ZDHHC8: variants seen among roughly 807,000 people sequenced by gnomAD.
The protein encoded by ZDHHC8 is zDHHC palmitoyltransferase 8.
Under a neutral mutation model 61.2 loss-of-function variants are expected in ZDHHC8, and 24 were observed. That is an observed-to-expected ratio of 0.39 (90% CI 0.28 to 0.55). The LOEUF (loss-of-function observed/expected upper bound fraction) is 0.55, where lower values mean the gene tolerates loss of function less well. ZDHHC8 is among the 20% of genes least tolerant of loss of function. The pLI, the probability that ZDHHC8 is intolerant of heterozygous loss-of-function variation, is 0.60. For missense variants in ZDHHC8, 935 were observed against 1,102.1 expected (o/e 0.85, Z 2.15); for synonymous variants, 523 against 492.5 (o/e 1.06, Z -0.82).
rs1402542353 is a variant in ZDHHC8 at position 20,139,893 on chromosome 22, G to A, written c.557+1G>A. 5 of 1,501,422 alleles carry A rather than the reference G, an allele frequency of 3.3e-6. No individual in the cohort carries two copies. Among genetic ancestry groups the A allele is most frequent in the Non-Finnish European group, 3.6e-6 (4 of 1,112,484 alleles). 93.0% of individuals were successfully genotyped at this position (1,501,422 alleles called of 1,614,324 possible). A position where few individuals can be genotyped will look rare whatever the true frequency, so the allele number is the denominator to read the frequency against. On this transcript the variant is annotated splice_donor_variant, in intron 4 of 10. Transcript: ENST00000334554. LOFTEE classifies it high-confidence loss of function. Reference sequence around the variant, plus strand: ...TGGGAGCCGCGCACACCACCATCACGTATCCTTGGTTCCTGTGGGCCTCAT... The same window carrying A: ...TGGGAGCCGCGCACACCACCATCACATATCCTTGGTTCCTGTGGGCCTCAT...
At position 20,131,970 on chromosome 22, in the gene ZDHHC8, G is replaced by C; in HGVS notation, c.23G>C (p.Arg8Pro). 1 of 1,315,730 alleles carries C rather than the reference G, an allele frequency of 7.6e-7. No homozygotes were observed. Among genetic ancestry groups the C allele is most frequent in the Non-Finnish European group, 9.9e-7 (1 of 1,014,130 alleles). 81.5% of individuals were successfully genotyped at this position (1,315,730 alleles called of 1,614,324 possible). The change falls in exon 1 of 11, where the codon CGC (arginine) becomes CCC (proline). Residue 8 changes from arginine to proline, a missense_variant. Arg to Pro is a moderately radical substitution (Grantham distance 103, BLOSUM62 -2). Transcript: ENST00000334554. MPRSPGT[R>P]LKPAKYIPVA... ...AGGATGCCCCGCAGCCCCGGGACGC[G>C]CCTCAAACCCGCCAAGTACATCCCG...
In ZDHHC8 at chr22:20,141,504, G is replaced by C; in HGVS notation, c.1099G>C (p.Val367Leu). The change falls in exon 9 of 11, where the codon GTG becomes CTG. Residue 367 changes from valine (V) to leucine (L), a missense_variant. Around this residue, in one of 3 missense-constraint regions of ZDHHC8, gnomAD observed 692 missense variants for 731.4 expected, o/e 0.95. Transcript: ENST00000334554. ...GCCGGCTTTCCCCACGGGTCCCAAG[G>C]TGCCCTTCTGTGGACCAGGCGAGCA... ...FRPAFPTGPK[V>L]PFCGPGEQVP... 1.9e-6 allele frequency: 3 copies of C among 1,612,772 alleles called. No homozygotes were observed. Among genetic ancestry groups the C allele is most frequent in the African/African-American group, 1.3e-5 (1 of 75,028 alleles).
chr22:20,144,534 GAGCCCAGCCC>G (rs755966104), intron 10 of ZDHHC8, among the ~76,000 whole-genome samples: 1 of 152,240 alleles, frequency 6.6e-6, no homozygotes. Flanking sequence ...CCCAGAGGGA[GAGCCCAGCCC>G]AGCCCAGCCC....
chr22:20,143,228 C>A lies in ZDHHC8; in HGVS notation c.1598C>A (p.Pro533His). ...TTCAGCCCCGTGCTGGGCCCCCGCC[C>A]CCGGGAGCCCTCGCCTGTGCGCTAC... ...RSFSPVLGPRPREPSPVRYDN... is the reference protein window; with the variant it reads ...RSFSPVLGPRHREPSPVRYDN... The change falls in exon 10 of 11, where the codon CCC (proline) becomes CAC (histidine). Residue 533 changes from proline (P) to histidine (H), a missense_variant. Coordinates refer to ENST00000334554, the MANE Select transcript of ZDHHC8 (RefSeq NM_013373.4). 1 of 1,607,300 alleles carries A rather than the reference C, an allele frequency of 6.2e-7. No individual in the cohort carries two copies.
Position 20,145,504 on chromosome 22 carries a change from C to T in ZDHHC8, c.*104C>T. The T allele has an allele frequency of 7.3e-7, 1 of 1,361,288 alleles. No homozygotes were observed. Among genetic ancestry groups the T allele is most frequent in the Non-Finnish European group, 9.4e-7 (1 of 1,059,008 alleles). 84.3% of individuals were successfully genotyped at this position (1,361,288 alleles called of 1,614,324 possible). A position where few individuals can be genotyped will look rare whatever the true frequency, so the allele number is the denominator to read the frequency against. ...CTGCCCCAGGGACCCGAGGCCACCCCAGCCTGGTGTGGACCCATCGGCGGG... is the reference window on the plus strand; with the variant it reads ...CTGCCCCAGGGACCCGAGGCCACCCTAGCCTGGTGTGGACCCATCGGCGGG... On this transcript the variant is annotated 3_prime_UTR_variant, in exon 11 of 11. Coordinates refer to ENST00000334554, the MANE Select transcript of ZDHHC8 (RefSeq NM_013373.4).
Position 20,143,409 on chromosome 22 carries a change from G to C in ZDHHC8, c.1779G>C (p.Leu593=), listed in dbSNP as rs1438310720. Residue 593 remains leucine (L), a synonymous_variant, in exon 10 of 11, where the codon CTG becomes CTC. Transcript: ENST00000334554. ...ACAGCCTGCAGCAGGCCAGTGTGCT[G>C]TCCGAGGGCCCCCGAGGTCCCGCGC... ...SSYSLQQASV[L]SEGPRGPALR... 2 of 1,591,540 alleles carry C rather than the reference G, an allele frequency of 1.3e-6. No homozygotes were observed. The highest frequency in any genetic ancestry group is 4.5e-5 in the East Asian group (2 of 44,158).
chr22:20,141,583 T>C (rs77480122), intron 9 of ZDHHC8, 53 bp downstream of exon 9: 83,286 of 1,476,406 alleles, frequency 0.056, 2,543 homozygotes, highest in South Asian at 0.099. Context: ...GGCCCGCCTC[T>C]AGGAGCTCGC....
chr22:20,139,178 CCACT>C lies in ZDHHC8; in HGVS notation c.105-15_105-12del. ...CACCCCCAGACTCCACTCTCTGCCC[CCACT>C]GTCTACTGCAGGTGCCCGTGGTTGA... On this transcript the variant is annotated splice_polypyrimidine_tract_variant and intron_variant, in intron 1 of 10. Coordinates refer to ENST00000334554, the MANE Select transcript of ZDHHC8 (RefSeq NM_013373.4). The C allele has an allele frequency of 6.2e-7, 1 of 1,610,774 alleles. No homozygotes were observed. The highest frequency in any genetic ancestry group is 8.5e-7 in the Non-Finnish European group (1 of 1,178,460).
intron 7 of ZDHHC8, 54 bp downstream of exon 7, chr22:20,141,066 C>T: frequency 6.2e-7 from 1 of 1,604,546 alleles, no homozygotes; most frequent in Admixed American, 1.7e-5. Flanking sequence ...GATGGGGAAA[C>T]AGGCAGGTTG....
Position 20,140,696 on chromosome 22 carries a change from C to A in ZDHHC8, c.740C>A (p.Pro247His), listed in dbSNP as rs143088319. The A allele has an allele frequency of 6.2e-7, 1 of 1,611,070 alleles. No individual in the cohort carries two copies. The highest frequency in any genetic ancestry group is 1.3e-5 in the African/African-American group (1 of 74,940). The change falls in exon 6 of 11, where the codon CCC (proline) becomes CAC (histidine). Residue 247 changes from proline (P) to histidine (H), a missense_variant. Around this residue, in one of 3 missense-constraint regions of ZDHHC8, gnomAD observed 199 missense variants for 334.0 expected, o/e 0.60. Transcript: ENST00000334554. ...CGNVEHVLCS[P>H]LAPRYVVEPP... ...AATGTGGAGCACGTGCTGTGTAGCC[C>A]CCTGGCGCCCCGGTGAGGCCCGGCC...
chr22:20,143,275 A>T lies in ZDHHC8; in HGVS notation c.1645A>T (p.Met549Leu). 4.4e-6 allele frequency: 7 copies of T among 1,606,134 alleles called. No individual in the cohort carries two copies. Among genetic ancestry groups the T allele is most frequent in the Non-Finnish European group, 5.9e-6 (7 of 1,179,328 alleles). Residue 549 changes from methionine to leucine, a missense_variant, in exon 10 of 11, where the codon ATG becomes TTG. By Grantham distance (15) the Met-to-Leu change is conservative. Around this residue, in one of 3 missense-constraint regions of ZDHHC8, gnomAD observed 692 missense variants for 731.4 expected, o/e 0.95. Transcript: ENST00000334554. ...CTACGACAACCTGTCCAGGACCATC[A>T]TGGCATCCATCCAGGAGCGCAAGGA... ...VRYDNLSRTI[M>L]ASIQERKDRE...
rs1311695852 is a variant in ZDHHC8, at chr22:20,146,074, C to T, written c.*674C>T. 2 of 985,846 alleles carry T rather than the reference C, an allele frequency of 2.0e-6. No individual in the cohort carries two copies. Among genetic ancestry groups the T allele is most frequent in the East Asian group, 1.1e-4 (1 of 8,818 alleles). 61.1% of individuals were successfully genotyped at this position (985,846 alleles called of 1,614,324 possible). Reference sequence around the variant, plus strand: ...CCGCGCCGTGTCTGATGTGTCAGTGCTCCGGCCGCCGCTGTCCCTTTCATC... The same window carrying T: ...CCGCGCCGTGTCTGATGTGTCAGTGTTCCGGCCGCCGCTGTCCCTTTCATC... On this transcript the variant is annotated 3_prime_UTR_variant, in exon 11 of 11. Coordinates refer to ENST00000334554, the MANE Select transcript of ZDHHC8 (RefSeq NM_013373.4).
Position 20,146,878 on chromosome 22 carries a change from A to C in ZDHHC8, c.*1478A>C, listed in dbSNP as rs1045674975. 7.8e-7 allele frequency: 1 copy of C among 1,279,900 alleles called. No individual in the cohort carries two copies. The highest frequency in any genetic ancestry group is 1.6e-5 in the African/African-American group (1 of 64,354). 79.3% of individuals were successfully genotyped at this position (1,279,900 alleles called of 1,614,324 possible). ...CTGCCACATGCCAGGGGCAGGGCTG[A>C]GGGAGTGTGAGGGATGCACAGCTGT... On this transcript the variant is annotated 3_prime_UTR_variant, in exon 11 of 11. Transcript: ENST00000334554.
At position 20,139,726 on chromosome 22, in the gene ZDHHC8, G is replaced by T; in HGVS notation, c.391G>T (p.Asp131Tyr). The change falls in exon 4 of 11, where the codon GAC becomes TAC. Residue 131 changes from aspartate (D) to tyrosine (Y), a missense_variant. Asp to Tyr is a radical substitution (Grantham distance 160). Around this residue, in one of 3 missense-constraint regions of ZDHHC8, gnomAD observed 199 missense variants for 334.0 expected, o/e 0.60. Coordinates refer to ENST00000334554, the MANE Select transcript of ZDHHC8 (RefSeq NM_013373.4). ...SVCDNCVEDF[D>Y]HHCPWVNNCI... ...ATGCACTGCTCCCGCCCAGGACTTT[G>T]ACCACCACTGCCCCTGGGTCAACAA... 1 of 1,612,366 alleles carries T rather than the reference G, an allele frequency of 6.2e-7. No individual in the cohort carries two copies. The highest frequency in any genetic ancestry group is 1.1e-5 in the South Asian group (1 of 91,060).
Position 20,142,910 on chromosome 22 carries a change from C to T in ZDHHC8, c.1280C>T (p.Ser427Leu), listed in dbSNP as rs768945198. The part of the protein sequence containing the change: ...SPPLSASDAF[S>L]GALRSLSLKA... Reference sequence around the variant, plus strand: ...CCGCTCAGCGCCTCTGATGCCTTCTCGGGCGCTTTGCGCTCCCTGAGCCTC... The same window carrying T: ...CCGCTCAGCGCCTCTGATGCCTTCTTGGGCGCTTTGCGCTCCCTGAGCCTC... Residue 427 changes from serine to leucine, a missense_variant, in exon 10 of 11, where the codon TCG (serine) becomes TTG (leucine). Ser to Leu is a moderately radical substitution (Grantham distance 145). This residue lies in a region of ZDHHC8 where 692 missense variants were observed against 731.4 expected (regional missense o/e 0.95). Transcript: ENST00000334554. The T allele has an allele frequency of 7.5e-6, 12 of 1,609,332 alleles. No homozygotes were observed. The highest frequency in any genetic ancestry group is 4.0e-5 in the African/African-American group (3 of 74,872).
At chr22:20,139,358 G>C in intron 2 of ZDHHC8, 43 bp downstream of exon 2, 1 of 1,607,984 alleles carries the variant, frequency 6.2e-7, no homozygotes, top group Non-Finnish European at 8.5e-7. Flanking sequence ...TTTCACTAGA[G>C]TGTGAGTGGC....
intron 10 of ZDHHC8, among the ~76,000 whole-genome samples, chr22:20,144,734 G>A (rs1485265862): frequency 6.6e-6 from 1 of 152,246 alleles, no homozygotes. Flanking sequence ...GGCAGGGATC[G>A]CAGCCCGGGG....
In ZDHHC8 at chr22:20,143,530, T is replaced by C. The variant is rs766239816; in HGVS notation, c.1900T>C (p.Ser634Pro). The C allele has an allele frequency of 2.5e-6, 4 of 1,599,248 alleles. No homozygotes were observed. The highest frequency in any genetic ancestry group is 3.4e-6 in the Non-Finnish European group (4 of 1,177,492). ...GACGTCACTGTCCTCGCTGTCCAGC[T>C]CCGTGAGCCGTGCACCGCGGACGTC... ...LQTSLSSLSS[S>P]VSRAPRTSSS... The change falls in exon 10 of 11, where the codon TCC becomes CCC. Residue 634 changes from serine (S) to proline (P), a missense_variant. This residue lies in a region of ZDHHC8 where 692 missense variants were observed against 731.4 expected (regional missense o/e 0.95). Coordinates refer to ENST00000334554, the MANE Select transcript of ZDHHC8 (RefSeq NM_013373.4).
At chr22:20,142,713 G>A (rs773954094) in intron 9 of ZDHHC8, 43 bp from the exon 10 acceptor site, 10 of 1,607,468 alleles carry the variant, frequency 6.2e-6, no homozygotes, top group African/African-American at 2.7e-5. Flanking sequence ...GGCTGCAGGC[G>A]GGGTGGCAGG....
Sources: gnomAD v4.1 joint callset for allele counts (sites outside exome capture counted in the v4.1 genomes callset) on GRCh38, gnomAD v4.1.1 for gene constraint, gnomAD v4.1.1 regional missense constraint, MANE v1.5 for transcripts, NCBI Gene and HGNC (gene_info 2026-07-23, HGNC 2026-07-21) for gene names.